The following AMBRA1 variants were observed in gnomAD, a reference collection of about 807,000 sequenced individuals.
AMBRA1 encodes activating molecule in BECN1-regulated autophagy protein 1.
A neutral mutation model predicts 125.4 loss-of-function variants in AMBRA1; 47 were observed. The observed-to-expected ratio is 0.37, with a 90% CI of 0.30 to 0.48. AMBRA1 has a LOEUF of 0.48. Among genes scored for constraint, AMBRA1 ranks in the 20% least tolerant of loss-of-function variants. The pLI, the probability that AMBRA1 is intolerant of heterozygous loss-of-function variation, is 0.99. For missense variants in AMBRA1, 1,331 were observed against 1,693.4 expected, an observed-to-expected ratio of 0.79 and a Z score of 3.76; for synonymous variants, 626 against 655.5, an observed-to-expected ratio of 0.95 and a Z score of 0.69.
chr11:46,479,280 G>T (rs186174302), intron 11 of AMBRA1, among the ~76,000 whole-genome samples: 3 of 152,168 alleles, frequency 2.0e-5, no homozygotes, highest in Non-Finnish European at 2.9e-5. Flanking sequence ...CTTAGTTGTG[G>T]CAGCATGTTA....
intron 1 of AMBRA1, among the ~76,000 whole-genome samples, chr11:46,574,785 T>C (rs1028034706): frequency 6.6e-6 from 1 of 152,188 alleles, no homozygotes; most frequent in African/African-American, 2.4e-5. Context: ...GACTCTGCTT[T>C]CTCCATCTCA....
chr11:46,534,406 A>G (rs931095823), intron 7 of AMBRA1, among the ~76,000 whole-genome samples: 1 of 152,034 alleles, frequency 6.6e-6, no homozygotes, highest in Non-Finnish European at 1.5e-5. Context: ...GAGGCAAAAG[A>G]ATCACTTGAA....
chr11:46,491,085 A>T (rs1292032663), intron 11 of AMBRA1: 2 of 152,220 alleles, frequency 1.3e-5, no homozygotes, highest in Non-Finnish European at 2.9e-5. Context: ...GTTACATAAT[A>T]AGATTTTCCT....
At chr11:46,423,622 A>C (rs988830042) in intron 14 of AMBRA1, among the ~76,000 whole-genome samples, 4 of 151,894 alleles carry the variant, frequency 2.6e-5, no homozygotes, top group Non-Finnish European at 4.4e-5. Flanking sequence ...TGATCTCCTG[A>C]CCTTGTGATC....
In AMBRA1 at chr11:46,548,426, C is replaced by T. The variant is rs374335602; in HGVS notation, c.-46G>A. The T allele has an allele frequency of 2.6e-4, 413 of 1,608,988 alleles. 1 individual carries two copies. Among genetic ancestry groups the T allele is most frequent in the Non-Finnish European group, 3.2e-4 (382 of 1,178,694 alleles). The stretch of plus-strand genomic sequence containing the variant: ...ACACCAGGCCCAGGAAATGAAGGAG[C>T]AAGTAACAGCTCCAACACACTGAAG... On this transcript the variant is annotated 5_prime_UTR_variant, in exon 2 of 18. Coordinates refer to ENST00000683756, the MANE Select transcript of AMBRA1 (RefSeq NM_001387011.1).
chr11:46,439,023 T>G (rs1947866921), intron 12 of AMBRA1, among the ~76,000 whole-genome samples: 1 of 152,044 alleles, frequency 6.6e-6, no homozygotes, highest in African/African-American at 2.4e-5. Context: ...GTAATCCCAG[T>G]ACTACGGGAG....
intron 7 of AMBRA1, among the ~76,000 whole-genome samples, chr11:46,541,373 G>C (rs1021832417): frequency 2.0e-5 from 3 of 152,018 alleles, no homozygotes; most frequent in Admixed American, 6.6e-5. Context: ...CCAAAAACAA[G>C]TATCTCTGAA....
intron 1 of AMBRA1, among the ~76,000 whole-genome samples, chr11:46,577,982 G>C: frequency 6.6e-6 from 1 of 152,020 alleles, no homozygotes; most frequent in East Asian, 1.9e-4. Context: ...AAAAACGCTA[G>C]AAGCTGAGTG....
At chr11:46,538,579 C>T (rs563195728) in intron 7 of AMBRA1, among the ~76,000 whole-genome samples, 5 of 152,182 alleles carry the variant, frequency 3.3e-5, no homozygotes, top group South Asian at 4.1e-4. Context: ...CTGCAACCTC[C>T]GCCTCCCCGG....
chr11:46,505,655 T>C (rs1400917740), intron 9 of AMBRA1, among the ~76,000 whole-genome samples: 1 of 126,512 alleles, frequency 7.9e-6, no homozygotes, highest in African/African-American at 3.1e-5. Context: ...TAAATTCAGG[T>C]CATGCTAAAG....
intron 7 of AMBRA1, among the ~76,000 whole-genome samples, chr11:46,515,175 C>A (rs1951421134): frequency 6.6e-6 from 1 of 152,056 alleles, no homozygotes; most frequent in Admixed American, 6.5e-5. Flanking sequence ...CCACAGTGAC[C>A]AAAAAACATC....
rs36105565 is a variant in AMBRA1 at position 46,573,101 on chromosome 11, C to CAA, written c.-121+20725_-121+20726dup. Among the ~76,000 whole-genome samples the CAA allele has an allele frequency of 3.3e-3, 394 of 117,818 alleles. 4 individuals carry two copies. Among genetic ancestry groups the CAA allele is most frequent in the African/African-American group, 0.011 (353 of 32,284 alleles). 77.3% of individuals were successfully genotyped at this position (117,818 alleles called of 152,430 possible). ...GGGCAACAAGAGCAAAACTCTGTCT[C>CAA]AAAAAAAAAAAAAAGGATTCTGGCC... On this transcript the variant is annotated intron_variant, in intron 1 of 17. Transcript: ENST00000683756.
At chr11:46,454,183 A>C (rs1051906804) in intron 11 of AMBRA1, among the ~76,000 whole-genome samples, 7 of 151,982 alleles carry the variant, frequency 4.6e-5, no homozygotes, top group African/African-American at 1.4e-4. Context: ...AGAAATAGCT[A>C]TGAAATTTTT....
intron 16 of AMBRA1, among the ~76,000 whole-genome samples, chr11:46,409,661 G>C (rs949145151): frequency 2.0e-5 from 3 of 152,244 alleles, no homozygotes; most frequent in Non-Finnish European, 4.4e-5. Flanking sequence ...TGGAATAGCT[G>C]GAGCTGGCAG....
intron 17 of AMBRA1, among the ~76,000 whole-genome samples, chr11:46,402,870 C>T (rs909540549): frequency 7.2e-5 from 11 of 152,212 alleles, no homozygotes; most frequent in African/African-American, 2.7e-4. Flanking sequence ...ACAGCTTCAG[C>T]CTACAGAACT....
chr11:46,419,276 C>T (rs976229431), intron 14 of AMBRA1, among the ~76,000 whole-genome samples: 25 of 152,160 alleles, frequency 1.6e-4, no homozygotes, highest in African/African-American at 6.0e-4. Context: ...GTCTCTTTCA[C>T]CACTCTCTGA....
chr11:46,405,174 C>A (rs957864482), intron 17 of AMBRA1, among the ~76,000 whole-genome samples: 1 of 152,238 alleles, frequency 6.6e-6, no homozygotes, highest in African/African-American at 2.4e-5. Flanking sequence ...TCACCTGACT[C>A]CTATTCATCC....
intron 11 of AMBRA1, among the ~76,000 whole-genome samples, chr11:46,486,968 A>T (rs1044020595): frequency 2.0e-5 from 3 of 151,506 alleles, no homozygotes; most frequent in Admixed American, 2.0e-4. Context: ...AATAAAAGAG[A>T]TGAGAGGGGC....
At chr11:46,441,508 T>C (rs980268482) in intron 12 of AMBRA1, among the ~76,000 whole-genome samples, 2 of 151,694 alleles carry the variant, frequency 1.3e-5, no homozygotes, top group African/African-American at 4.8e-5. Context: ...AGCAAGACTC[T>C]GTTTCAGAAA....
Sources: allele counts gnomAD v4.1 joint callset (sites outside exome capture counted in the v4.1 genomes callset), GRCh38; gene constraint gnomAD v4.1.1; transcripts MANE v1.5; gene names NCBI Gene and HGNC (gene_info 2026-07-23, HGNC 2026-07-21).